Variants in FSTL4 observed in about 807,000 individuals in gnomAD.
The protein encoded by FSTL4 is follistatin-related protein 4.
Under a neutral mutation model 78.2 loss-of-function variants are expected in FSTL4, and 28 were observed. The observed-to-expected ratio is 0.36, with a 90% CI of 0.27 to 0.49. FSTL4 has a LOEUF of 0.49. FSTL4 is among the 20% of genes least tolerant of loss of function. The probability of loss-of-function intolerance (pLI) is 0.98; values close to 1 mark genes in which losing one functional copy is unlikely to be tolerated. For synonymous variants in FSTL4, 422 were observed against 440.5 expected (o/e 0.96, Z 0.53); for missense variants, 922 against 1,084.9 (o/e 0.85, Z 2.11).
the FSTL4 span, among the ~76,000 whole-genome samples, chr5:133,829,656 T>C: frequency 1.3e-5 from 2 of 151,992 alleles, no homozygotes; most frequent in Admixed American, 6.5e-5. Context: ...GCTCTGAGAG[T>C]GGTAGAAAAG....
chr5:133,289,042 C>T (rs11949340), intron 6 of FSTL4, among the ~76,000 whole-genome samples: 25,620 of 152,064 alleles, frequency 0.17, 2,519 homozygotes, highest in African/African-American at 0.26. Context: ...GGGAGCTCCA[C>T]AGAGTGTATG....
At chr5:133,241,522 T>C (rs926846375) in intron 7 of FSTL4, among the ~76,000 whole-genome samples, 1 of 152,198 alleles carries the variant, frequency 6.6e-6, no homozygotes, top group Non-Finnish European at 1.5e-5. Context: ...TGTCCACCCT[T>C]AGAGGCCAGC....
Position 133,199,167 on chromosome 5 carries a change from T to C in FSTL4, c.2457A>G (p.Arg819=), listed in dbSNP as rs1374987609. 6.2e-7 allele frequency: 1 copy of C among 1,608,340 alleles called. No homozygotes were observed. The highest frequency in any genetic ancestry group is 8.5e-7 in the Non-Finnish European group (1 of 1,175,804). ...ACACCTCACACCGCAGCGTGTTTTG[T>C]CTCCCATTGATGAGGAACAGTGACT... is the stretch of plus-strand genomic sequence containing the variant. ...ARESLFLING[R]QNTLRCEVSG... The change falls in exon 16 of 16, where the codon AGA becomes AGG. Residue 819 remains arginine, a synonymous_variant. Coordinates refer to ENST00000265342, the MANE Select transcript of FSTL4 (RefSeq NM_015082.2). This position sits in a 1 kb window ranked among gnomAD's most constrained non-coding sequence, Gnocchi z 4.4.
the FSTL4 span, among the ~76,000 whole-genome samples, chr5:133,663,371 T>A: frequency 2.2e-4 from 34 of 152,350 alleles, 1 homozygote; most frequent in Admixed American, 2.0e-3. Context: ...TAACTCTACA[T>A]CCTGTTCTTG....
intron 4 of FSTL4, among the ~76,000 whole-genome samples, chr5:133,319,283 C>G (rs1191050732): frequency 6.6e-6 from 1 of 152,210 alleles, no homozygotes; most frequent in Admixed American, 6.5e-5. Flanking sequence ...CCAGCATCAG[C>G]TCCCTGAGCC....
chr5:133,243,313 GT>G (rs1422511492), intron 7 of FSTL4, among the ~76,000 whole-genome samples: 12 of 152,070 alleles, frequency 7.9e-5, no homozygotes, highest in East Asian at 1.9e-4. Flanking sequence ...AGGCCTTTTT[GT>G]TTTTTCTGTT....
chr5:133,637,496 C>G, the FSTL4 span, among the ~76,000 whole-genome samples: 2 of 152,216 alleles, frequency 1.3e-5, no homozygotes, highest in African/African-American at 4.8e-5. Flanking sequence ...ATGGAAGTTG[C>G]AGCCCAGTAA....
the FSTL4 span, among the ~76,000 whole-genome samples, chr5:133,699,880 C>CAAAAAA: frequency 2.0e-3 from 123 of 61,986 alleles, 1 homozygote; most frequent in African/African-American, 3.2e-3. Flanking sequence ...GACTCCATCT[C>CAAAAAA]AAAAAAAAAA....
At chr5:133,329,020 G>C (rs1754279638) in intron 4 of FSTL4, among the ~76,000 whole-genome samples, 3 of 152,144 alleles carry the variant, frequency 2.0e-5, no homozygotes, top group Admixed American at 2.0e-4. Context: ...TGAGTGGTGG[G>C]CACATCCATA....
intron 3 of FSTL4, among the ~76,000 whole-genome samples, chr5:133,555,659 T>C (rs1482065300): frequency 6.6e-6 from 1 of 152,122 alleles, no homozygotes; most frequent in South Asian, 2.1e-4. Context: ...GCCTACTGTT[T>C]TTAAAAAATA....
chr5:133,325,948 A>G (rs1338028559), intron 4 of FSTL4, among the ~76,000 whole-genome samples: 2 of 152,218 alleles, frequency 1.3e-5, no homozygotes, highest in Non-Finnish European at 2.9e-5. Flanking sequence ...CTTCACCACC[A>G]AAGCAAAAAC....
At chr5:133,626,555 T>C in the FSTL4 span, among the ~76,000 whole-genome samples, 1 of 151,162 alleles carries the variant, frequency 6.6e-6, no homozygotes, top group Non-Finnish European at 1.5e-5. Context: ...CAGAACTGCT[T>C]TATGTCCCAT....
chr5:133,477,083 C>G (rs1757939494), intron 3 of FSTL4, among the ~76,000 whole-genome samples: 1 of 152,124 alleles, frequency 6.6e-6, no homozygotes, highest in South Asian at 2.1e-4. Flanking sequence ...GCTTAAGAAG[C>G]AAGCAAACTA....
chr5:133,453,139 T>C (rs1362980441), intron 3 of FSTL4, among the ~76,000 whole-genome samples: 1 of 152,198 alleles, frequency 6.6e-6, no homozygotes, highest in Non-Finnish European at 1.5e-5. Flanking sequence ...ATACTGTATC[T>C]TCTATGTCAC....
At chr5:133,578,355 C>A (rs932912285) in intron 2 of FSTL4, among the ~76,000 whole-genome samples, 2 of 152,200 alleles carry the variant, frequency 1.3e-5, no homozygotes, top group African/African-American at 4.8e-5. Flanking sequence ...GGAAGCCACC[C>A]GGATACTTCC....
chr5:133,643,399 T>C, the FSTL4 span, among the ~76,000 whole-genome samples: 58 of 152,332 alleles, frequency 3.8e-4, 1 homozygote, highest in Middle Eastern at 3.4e-3. Context: ...ACAGTGGCTC[T>C]TCAGAGCTTC....
intron 6 of FSTL4, among the ~76,000 whole-genome samples, chr5:133,290,841 C>T (rs1478307315): frequency 2.0e-5 from 3 of 152,248 alleles, no homozygotes; most frequent in Non-Finnish European, 4.4e-5. Flanking sequence ...GCAATGTGGG[C>T]TGCTTCTTTT....
intron 14 of FSTL4, among the ~76,000 whole-genome samples, chr5:133,204,088 G>A (rs894165100): frequency 6.6e-6 from 1 of 152,358 alleles, no homozygotes; most frequent in Non-Finnish European, 1.5e-5. Flanking sequence ...GGGACAGCAA[G>A]GCTGGGCATC....
At chr5:133,277,622 G>A (rs1561653896) in intron 6 of FSTL4, among the ~76,000 whole-genome samples, 1 of 152,190 alleles carries the variant, frequency 6.6e-6, no homozygotes, top group Non-Finnish European at 1.5e-5. Context: ...CCTTCTCTCT[G>A]CCCCTGGGCA....
Sources: gnomAD v4.1 joint callset for allele counts (sites outside exome capture counted in the v4.1 genomes callset) on GRCh38, gnomAD v4.1.1 for gene constraint, Gnocchi (gnomAD v3.1) non-coding constraint, MANE v1.5 for transcripts, NCBI Gene and HGNC (gene_info 2026-07-23, HGNC 2026-07-21) for gene names.